Variants in DENND2B observed in about 807,000 individuals in gnomAD.
DENND2B encodes the protein DENN domain-containing protein 2B.
DENND2B carries 32 observed loss-of-function variants against 116.0 expected under a neutral mutation model. That is an observed-to-expected ratio of 0.28 (90% confidence interval 0.21 to 0.37). The LOEUF is 0.37. Ranked by LOEUF, DENND2B falls within the 10% of genes least tolerant of loss-of-function variation. The pLI is 1.00. For synonymous variants in DENND2B, 588 were observed against 583.9 expected (o/e 1.01, Z -0.10); for missense variants, 1,276 against 1,477.7 (o/e 0.86, Z 2.24).
At chr11:8,695,984 A>T (rs953852096) in intron 18 of DENND2B, 1 of 247,588 alleles carries the variant, frequency 4.0e-6, no homozygotes, top group Non-Finnish European at 7.8e-6. Flanking sequence ...TGAGCTGATG[A>T]AATAGCAAAA....
intron 1 of DENND2B, among the ~76,000 whole-genome samples, chr11:8,899,460 T>G (rs970154959): frequency 6.6e-6 from 1 of 152,198 alleles, no homozygotes; most frequent in Middle Eastern, 3.4e-3. Context: ...CAGAGAAAAG[T>G]GGATCATCAT....
chr11:8,767,938 G>A (rs1163903892), intron 1 of DENND2B, among the ~76,000 whole-genome samples: 2 of 152,122 alleles, frequency 1.3e-5, no homozygotes, highest in Non-Finnish European at 2.9e-5. Flanking sequence ...CTCAGAAAAG[G>A]AATGGCAAGC....
chr11:8,817,025 AT>A (rs1258940518), intron 4 of DENND2B, among the ~76,000 whole-genome samples: 5 of 152,168 alleles, frequency 3.3e-5, no homozygotes, highest in African/African-American at 4.8e-5. Flanking sequence ...AAGAAAAAAA[AT>A]GGAAGACTCA....
Position 8,882,904 on chromosome 11 carries a change from C to G in DENND2B, c.-255-1795G>C, listed in dbSNP as rs1198282459. ...TTGGGAGGCTGAGGTGGAAGGATCTCTTGAGCCTAGAAGGTTGAGACTGTA... is the reference window on the plus strand; with the variant it reads ...TTGGGAGGCTGAGGTGGAAGGATCTGTTGAGCCTAGAAGGTTGAGACTGTA... On this transcript the variant is annotated intron_variant, in intron 1 of 22. Coordinates refer to the DENND2B transcript ENST00000534127. Among the ~76,000 whole-genome samples the G allele has an allele frequency of 2.0e-5, 3 of 152,224 alleles. No homozygotes were observed. The East Asian group carries it at 5.8e-4, about 29-fold the overall frequency.
chr11:8,804,570 A>G (rs1593954220), intron 1 of DENND2B, among the ~76,000 whole-genome samples: 1 of 87,648 alleles, frequency 1.1e-5, no homozygotes, highest in African/African-American at 4.1e-5. Flanking sequence ...TTTGAGACGA[A>G]GTCTTGCTCT....
chr11:8,718,913 C>T, intron 4 of DENND2B: 1 of 988,600 alleles, frequency 1.0e-6, no homozygotes, highest in Non-Finnish European at 1.2e-6. Context: ...CTAGCTCAAT[C>T]CTGGTGGCAG....
intron 1 of DENND2B, among the ~76,000 whole-genome samples, chr11:8,887,519 G>A (rs773152336): frequency 6.6e-6 from 1 of 152,240 alleles, no homozygotes; most frequent in East Asian, 1.9e-4. Context: ...TAATATATGT[G>A]TTAACTGATA....
intron 2 of DENND2B, among the ~76,000 whole-genome samples, chr11:8,867,574 T>C (rs545435411): frequency 0.034 from 547 of 15,902 alleles, no homozygotes; most frequent in Non-Finnish European, 0.26. Flanking sequence ...AAAATTCAGC[T>C]TTTTTTTTTT....
intron 5 of DENND2B, among the ~76,000 whole-genome samples, chr11:8,716,117 G>A (rs192168132): frequency 5.4e-4 from 82 of 152,326 alleles, no homozygotes; most frequent in East Asian, 5.2e-3. Flanking sequence ...GGAATTTTGC[G>A]GGGGTCCTCC....
At chr11:8,786,093 A>G (rs1216058457) in intron 1 of DENND2B, among the ~76,000 whole-genome samples, 1 of 152,236 alleles carries the variant, frequency 6.6e-6, no homozygotes, top group African/African-American at 2.4e-5. Flanking sequence ...GGGGTATGAT[A>G]TAAATCCATG....
intron 1 of DENND2B, among the ~76,000 whole-genome samples, chr11:8,764,480 G>C (rs2055259894): frequency 6.6e-6 from 1 of 152,208 alleles, no homozygotes; most frequent in African/African-American, 2.4e-5. Context: ...TATGGATGAA[G>C]AAGCTGAGGC....
chr11:8,804,060 T>C (rs2060599452), intron 1 of DENND2B, among the ~76,000 whole-genome samples: 1 of 151,966 alleles, frequency 6.6e-6, no homozygotes, highest in Admixed American at 6.6e-5. Context: ...CTGTGAGGAG[T>C]GAGCATCCCA....
At chr11:8,880,872 A>AT (rs1178542195) in intron 2 of DENND2B, 4 of 152,172 alleles carry the variant, frequency 2.6e-5, no homozygotes, top group Non-Finnish European at 5.9e-5. Flanking sequence ...CTCAGGAGGT[A>AT]ACCTTGCCTT....
At chr11:8,793,154 T>C (rs1470102853) in intron 1 of DENND2B, among the ~76,000 whole-genome samples, 1 of 152,228 alleles carries the variant, frequency 6.6e-6, no homozygotes, top group Non-Finnish European at 1.5e-5. Context: ...ACAAGTGATA[T>C]GTTTTTCAGT....
intron 1 of DENND2B, among the ~76,000 whole-genome samples, chr11:8,799,829 C>G (rs1350275900): frequency 6.6e-6 from 1 of 151,784 alleles, no homozygotes; most frequent in Non-Finnish European, 1.5e-5. Context: ...AGTATATACA[C>G]ACAAGTCAGA....
At chr11:8,846,865 G>A (rs2062833482) in intron 3 of DENND2B, among the ~76,000 whole-genome samples, 1 of 152,174 alleles carries the variant, frequency 6.6e-6, no homozygotes, top group Non-Finnish European at 1.5e-5. Flanking sequence ...GTAGGTGTTT[G>A]ATGCCTCTCT....
chr11:8,713,419 G>A (rs1403397847), intron 8 of DENND2B, among the ~76,000 whole-genome samples: 3 of 151,738 alleles, frequency 2.0e-5, no homozygotes, highest in Non-Finnish European at 4.4e-5. Flanking sequence ...TTGCTCTGTC[G>A]CCCAGGCTAG....
intron 1 of DENND2B, among the ~76,000 whole-genome samples, chr11:8,774,827 G>A (rs1003551503): frequency 6.6e-6 from 1 of 151,670 alleles, no homozygotes; most frequent in African/African-American, 2.4e-5. Context: ...TGAGTGGGCA[G>A]TCTAGGAACC....
chr11:8,734,526 G>A (rs1025574328), intron 2 of DENND2B, among the ~76,000 whole-genome samples: 2 of 152,086 alleles, frequency 1.3e-5, no homozygotes, highest in Non-Finnish European at 2.9e-5. Context: ...AGTGGCTCAC[G>A]CCTGTAATCC....
Sources: allele counts gnomAD v4.1 joint callset (sites outside exome capture counted in the v4.1 genomes callset), GRCh38; gene constraint gnomAD v4.1.1; transcripts MANE v1.5; gene names NCBI Gene and HGNC (gene_info 2026-07-23, HGNC 2026-07-21).